Variants in AHR observed in about 807,000 individuals in gnomAD.
AHR encodes the protein AH-receptor.
In AHR, 40 loss-of-function variants were observed where a neutral mutation model predicts 86.8. That is an observed-to-expected ratio of 0.46 (90% CI 0.36 to 0.60). The LOEUF (loss-of-function observed/expected upper bound fraction) is 0.60. Ranked by LOEUF, AHR falls within the 20% of genes least tolerant of loss-of-function variation. The pLI is 0.00. For synonymous variants in AHR, 398 were observed against 354.9 expected (o/e 1.12, Z -1.37); for missense variants, 1,001 against 1,011.6 (o/e 0.99, Z 0.14).
In AHR at chr7:17,339,710, C is replaced by G. The variant is rs767197872; in HGVS notation, c.1885C>G (p.Gln629Glu). ...ACAGCAACAGCAACATCACCAAAAGCAAGTAGTAGTGGAGCCACAGCAACA... is the reference window on the plus strand; with the variant it reads ...ACAGCAACAGCAACATCACCAAAAGGAAGTAGTAGTGGAGCCACAGCAACA... ...LEQQQQHHQK[Q>E]VVVEPQQQLC... is the part of the protein sequence containing the mutation. The change falls in exon 10 of 11, where the codon CAA (glutamine) becomes GAA (glutamate). Residue 629 changes from glutamine (Q) to glutamate (E), a missense_variant. Physicochemically the swap from Gln to Glu is conservative, Grantham distance 29 (BLOSUM62 2). This residue lies in a region of AHR where 607 missense variants were observed against 543.1 expected (regional missense o/e 1.12). Coordinates refer to ENST00000242057, the MANE Select transcript of AHR (RefSeq NM_001621.5). 5 of 1,614,118 alleles carry G rather than the reference C, an allele frequency of 3.1e-6. No individual in the cohort carries two copies. Among genetic ancestry groups the G allele is most frequent in the Non-Finnish European group, 1.7e-6 (2 of 1,180,014 alleles).
intron 3 of AHR, 128 bp from the exon 4 acceptor site, chr7:17,327,631 T>C: frequency 2.5e-6 from 1 of 400,860 alleles, no homozygotes. Context: ...ATGTTTTGGC[T>C]GTGTTTGTGA....
At chr7:17,314,553 G>A (rs962239159) in intron 2 of AHR, among the ~76,000 whole-genome samples, 3 of 152,026 alleles carry the variant, frequency 2.0e-5, no homozygotes, top group African/African-American at 7.2e-5. Flanking sequence ...GTTTTCCAAA[G>A]AGAGCTATTG....
At chr7:17,304,093 T>A (rs1781981914) in intron 1 of AHR, among the ~76,000 whole-genome samples, 1 of 152,170 alleles carries the variant, frequency 6.6e-6, no homozygotes, top group African/African-American at 2.4e-5. Context: ...TCTTTTTACT[T>A]CTTTCTATTG....
chr7:17,316,158 A>AAAACTGAAATGAAATGAAAGTGT (rs1212959200), intron 2 of AHR, among the ~76,000 whole-genome samples: 15 of 152,210 alleles, frequency 9.9e-5, no homozygotes, highest in Admixed American at 1.3e-4. Context: ...CATGAAAGTG[A>AAAACTGAAATGAAATGAAAGTGT]AAACTGAAAT....
chr7:17,307,779 G>C (rs1782020673), intron 1 of AHR, among the ~76,000 whole-genome samples: 1 of 152,138 alleles, frequency 6.6e-6, no homozygotes, highest in African/African-American at 2.4e-5. Context: ...TCTATCACCA[G>C]AGTCAGCTTG....
intron 4 of AHR, among the ~76,000 whole-genome samples, chr7:17,329,367 T>G (rs570221424): frequency 6.6e-6 from 1 of 152,012 alleles, no homozygotes; most frequent in South Asian, 2.1e-4. Context: ...TATCATAACT[T>G]GCAGTTAAAA....
chr7:17,310,603 T>TG (rs1562475099), intron 2 of AHR, among the ~76,000 whole-genome samples: 3 of 151,908 alleles, frequency 2.0e-5, no homozygotes, highest in African/African-American at 7.2e-5. Flanking sequence ...GACACGATCT[T>TG]GGCTCACTGC....
At chr7:17,327,038 CAAACTA>C (rs1312370558) in intron 3 of AHR, among the ~76,000 whole-genome samples, 1 of 151,772 alleles carries the variant, frequency 6.6e-6, no homozygotes, top group Non-Finnish European at 1.5e-5. Flanking sequence ...CTATAACATC[CAAACTA>C]AAGAGTATGG....
intron 7 of AHR, 78 bp downstream of exon 7, chr7:17,334,192 A>G (rs1041022999): frequency 1.7e-5 from 21 of 1,263,684 alleles, no homozygotes; most frequent in Non-Finnish European, 2.3e-5. Flanking sequence ...TGTAAAACAT[A>G]CAGTGTATGT....
intron 6 of AHR, among the ~76,000 whole-genome samples, chr7:17,331,298 A>C (rs946180874): frequency 6.6e-6 from 1 of 151,964 alleles, no homozygotes; most frequent in Non-Finnish European, 1.5e-5. Flanking sequence ...GTTTAACATT[A>C]AGTTATAGAA....
At position 17,309,944 on chromosome 7, in the gene AHR, C is replaced by T. The variant is rs1198986338; in HGVS notation, c.74C>T (p.Pro25Leu). 1.9e-6 allele frequency: 3 copies of T among 1,575,220 alleles called. No individual in the cohort carries two copies. The highest frequency in any genetic ancestry group is 1.3e-5 in the African/African-American group (1 of 74,512). Residue 25 changes from proline to leucine, a missense_variant, in exon 2 of 11, where the codon CCA (proline) becomes CTA (leucine). Pro to Leu is a moderately conservative substitution (Grantham distance 98, BLOSUM62 -3). This residue lies in a region of AHR where 394 missense variants were observed against 468.5 expected (regional missense o/e 0.84). Transcript: ENST00000242057. ...RRKPVQKTVK[P>L]IPAEGIKSNP... The stretch of plus-strand genomic sequence containing the variant: ...TTTTGTTTGTTTTTCAGAGTAAAGC[C>T]AATCCCAGCTGAAGGAATCAAGTCA...
chr7:17,340,397 C>G (rs891597808), intron 10 of AHR, among the ~76,000 whole-genome samples, 169 bp downstream of exon 10: 1 of 149,436 alleles, frequency 6.7e-6, no homozygotes, highest in African/African-American at 2.5e-5. Context: ...CAAGCCTGTA[C>G]TTTTTCCAGT....
intron 9 of AHR, 87 bp downstream of exon 9, chr7:17,335,873 T>A: frequency 7.4e-7 from 1 of 1,357,798 alleles, no homozygotes; most frequent in Non-Finnish European, 1.0e-6. Flanking sequence ...CAAGCAGACT[T>A]TAGTCTGTAA....
At chr7:17,316,138 G>T (rs1782113120) in intron 2 of AHR, among the ~76,000 whole-genome samples, 1 of 152,102 alleles carries the variant, frequency 6.6e-6, no homozygotes, top group Admixed American at 6.6e-5. Context: ...GAGCCAGAGA[G>T]AAAACTGTAC....
At chr7:17,304,925 G>A (rs192507537) in intron 1 of AHR, among the ~76,000 whole-genome samples, 12 of 152,194 alleles carry the variant, frequency 7.9e-5, no homozygotes, top group African/African-American at 1.2e-4. Context: ...GTGTGTTTGC[G>A]TAGAAGAAGG....
intron 6 of AHR, among the ~76,000 whole-genome samples, chr7:17,332,860 A>C (rs1782315067): frequency 6.6e-6 from 1 of 151,880 alleles, no homozygotes; most frequent in South Asian, 2.1e-4. Flanking sequence ...CTTCACATTC[A>C]CTCACCACTC....
chr7:17,332,307 ATTATT>A lies in AHR; in HGVS notation c.705+1430_705+1434del, dbSNP rs543425417. On this transcript the variant is annotated intron_variant, in intron 6 of 10. Transcript: ENST00000242057. The stretch of plus-strand genomic sequence containing the variant: ...TATTTTTAAATGTATTATACTTTTA[ATTATT>A]TTATTTTAATCATTATTTTAGAATA... 3.9e-5 allele frequency among the ~76,000 whole-genome samples: 6 copies of A among 152,042 alleles called. No homozygotes were observed. The East Asian group carries it at 9.6e-4, about 24-fold the overall frequency.
chr7:17,299,211 C>A lies in AHR; in HGVS notation c.-54C>A. 6.3e-7 allele frequency: 1 copy of A among 1,588,288 alleles called. No homozygotes were observed. The highest frequency in any genetic ancestry group is 8.5e-7 in the Non-Finnish European group (1 of 1,170,020). Reference sequence around the variant, plus strand: ...AGTGGTCCCAGCCTACACCGGGTTCCGGGGACCCGGCCGCCAGTGCCCGGG... The same window carrying A: ...AGTGGTCCCAGCCTACACCGGGTTCAGGGGACCCGGCCGCCAGTGCCCGGG... On this transcript the variant is annotated 5_prime_UTR_variant, in exon 1 of 11. Coordinates refer to ENST00000242057, the MANE Select transcript of AHR (RefSeq NM_001621.5).
chr7:17,327,984 A>T (rs905244183), intron 4 of AHR, 136 bp downstream of exon 4: 2 of 267,748 alleles, frequency 7.5e-6, no homozygotes, highest in Non-Finnish European at 1.3e-5. Flanking sequence ...GTAGCTAATA[A>T]TTTTTTCTAA....
Sources: allele counts gnomAD v4.1 joint callset (sites outside exome capture counted in the v4.1 genomes callset), GRCh38; gene constraint gnomAD v4.1.1; regional missense constraint gnomAD v4.1.1; transcripts MANE v1.5; gene names NCBI Gene and HGNC (gene_info 2026-07-23, HGNC 2026-07-21).